The following HHLA2 variants were observed in gnomAD, a reference collection of about 807,000 sequenced individuals.
HHLA2 encodes the protein HERV-H LTR-associating protein 2.
In HHLA2, 48 loss-of-function variants were observed where a neutral mutation model predicts 45.9. The ratio of observed to expected loss-of-function variants is 1.05; its 90% CI spans 0.83 to 1.33. The LOEUF is 1.33. Ranked by LOEUF, HHLA2 falls within the 40% of genes most tolerant of loss-of-function variation. The pLI, the probability that HHLA2 is intolerant of heterozygous loss-of-function variation, is 0.00. For missense variants in HHLA2, 462 were observed against 494.3 expected (o/e 0.93, Z 0.62); for synonymous variants, 161 against 173.9 (o/e 0.93, Z 0.59).
intron 8 of HHLA2, among the ~76,000 whole-genome samples, chr3:108,374,618 C>T (rs1458949425): frequency 6.6e-6 from 1 of 151,596 alleles, no homozygotes; most frequent in Non-Finnish European, 1.5e-5. Context: ...ACAATGAACT[C>T]AAACAAATTT....
At chr3:108,345,494 C>T (rs6805570) in intron 3 of HHLA2, among the ~76,000 whole-genome samples, 102,920 of 152,110 alleles carry the variant, frequency 0.68, 35,707 homozygotes, top group African/African-American at 0.77. Flanking sequence ...ACCCAATTTA[C>T]GAGCCTCCCT....
intron 8 of HHLA2, among the ~76,000 whole-genome samples, chr3:108,373,227 C>A (rs976006137): frequency 6.6e-6 from 1 of 152,086 alleles, no homozygotes; most frequent in Non-Finnish European, 1.5e-5. Flanking sequence ...AAGACAAAAA[C>A]GACATGATTA....
chr3:108,312,963 C>G (rs1416526110), intron 2 of HHLA2, among the ~76,000 whole-genome samples: 5 of 152,116 alleles, frequency 3.3e-5, no homozygotes, highest in Non-Finnish European at 1.5e-5. Flanking sequence ...GCTGAACATT[C>G]TTGAGGAACG....
At chr3:108,351,816 G>A in exon 4 of HHLA2, 8 of 1,612,582 alleles carry the variant, frequency 5.0e-6, no homozygotes, top group Non-Finnish European at 6.8e-6. Flanking sequence ...CACAAGACAT[G>A]AAGGCACAGA....
At chr3:108,343,930 C>T (rs1354896323) in intron 3 of HHLA2, among the ~76,000 whole-genome samples, 1 of 152,186 alleles carries the variant, frequency 6.6e-6, no homozygotes, top group Non-Finnish European at 1.5e-5. Context: ...TGTTGATCCT[C>T]CTCAATGTTA....
chr3:108,338,492 G>A (rs1446258486), intron 3 of HHLA2, among the ~76,000 whole-genome samples: 2 of 152,238 alleles, frequency 1.3e-5, no homozygotes, highest in East Asian at 3.9e-4. Context: ...CTATGCACTT[G>A]ACTGTTTACC....
chr3:108,358,121 G>T lies in HHLA2; in HGVS notation c.963G>T (p.Ser321=), dbSNP rs769068694. Residue 321 remains serine (S), a synonymous_variant, in exon 7 of 11, where the codon TCG becomes TCT. Coordinates refer to ENST00000619531, the Ensembl canonical transcript of HHLA2. The stretch of plus-strand genomic sequence containing the variant: ...GGGAATATTTATGCAATATTTCTTC[G>T]GATGAATATACTTTACTTACCATCC... The T allele has an allele frequency of 3.7e-6, 6 of 1,612,770 alleles. No homozygotes were observed. The East Asian group carries it at 1.1e-4, about 30-fold the overall frequency.
intron 2 of HHLA2, among the ~76,000 whole-genome samples, chr3:108,324,044 G>C (rs1172129442): frequency 6.6e-6 from 1 of 152,140 alleles, no homozygotes; most frequent in Non-Finnish European, 1.5e-5. Flanking sequence ...TCCTTTGTTA[G>C]AAAACAATGA....
intron 1 of HHLA2, among the ~76,000 whole-genome samples, chr3:108,306,813 T>TA (rs1183806684): frequency 2.2e-4 from 33 of 152,150 alleles, no homozygotes; most frequent in African/African-American, 7.9e-4. Context: ...TATATATATA[T>TA]TTTTCTATTT....
chr3:108,339,996 A>G (rs2081537800), intron 3 of HHLA2, among the ~76,000 whole-genome samples: 1 of 152,206 alleles, frequency 6.6e-6, no homozygotes, highest in African/African-American at 2.4e-5. Flanking sequence ...GTGGCCCCAA[A>G]TAAGACTTGG....
intron 1 of HHLA2, among the ~76,000 whole-genome samples, chr3:108,297,092 C>T (rs1314341962): frequency 2.0e-5 from 3 of 152,182 alleles, no homozygotes; most frequent in African/African-American, 7.2e-5. Flanking sequence ...ATACAAGAAA[C>T]TTAGAAGTCT....
chr3:108,377,134 C>T (rs1277930316), intron 10 of HHLA2, 124 bp from the exon 10 acceptor site: 6 of 644,330 alleles, frequency 9.3e-6, no homozygotes, highest in Non-Finnish European at 1.7e-5. Context: ...ATTTCAGATG[C>T]AAGCAATAGA....
intron 2 of HHLA2, among the ~76,000 whole-genome samples, chr3:108,327,022 T>G (rs2107364951): frequency 6.6e-6 from 1 of 152,304 alleles, no homozygotes; most frequent in East Asian, 1.9e-4. Context: ...CAAATTATGT[T>G]TTCTGTGTCT....
At chr3:108,377,791 G>A (rs60503747) in exon 11 of HHLA2, 12,056 of 152,866 alleles carry the variant, frequency 0.079, 650 homozygotes, top group African/African-American at 0.16. Flanking sequence ...TAACCAACTC[G>A]ATTTGGGATG....
chr3:108,363,238 A>G (rs2082008984), intron 8 of HHLA2, among the ~76,000 whole-genome samples: 1 of 152,168 alleles, frequency 6.6e-6, no homozygotes, highest in Non-Finnish European at 1.5e-5. Flanking sequence ...TCCACATTTT[A>G]CAGATCAGGA....
intron 3 of HHLA2, among the ~76,000 whole-genome samples, chr3:108,349,098 C>G (rs2081726349): frequency 6.6e-6 from 1 of 151,530 alleles, no homozygotes; most frequent in Non-Finnish European, 1.5e-5. Context: ...CAACAGCAAA[C>G]AAATTCAAAA....
intron 6 of HHLA2, among the ~76,000 whole-genome samples, chr3:108,356,223 G>T (rs1409092976): frequency 6.6e-6 from 1 of 151,652 alleles, no homozygotes; most frequent in African/African-American, 2.4e-5. Flanking sequence ...GTAGAGACAG[G>T]GTTTCACCAT....
chr3:108,342,454 AG>A (rs774840456), intron 3 of HHLA2, among the ~76,000 whole-genome samples: 1 of 151,684 alleles, frequency 6.6e-6, no homozygotes, highest in South Asian at 2.1e-4. Context: ...TAGTAGAGAC[AG>A]GGTTTCGCCA....
intron 8 of HHLA2, among the ~76,000 whole-genome samples, chr3:108,367,636 G>C (rs1045956051): frequency 6.6e-6 from 1 of 151,884 alleles, no homozygotes; most frequent in African/African-American, 2.4e-5. Context: ...CTGAAATAAG[G>C]TGTGAAGACA....
Sources: allele counts gnomAD v4.1 joint callset (sites outside exome capture counted in the v4.1 genomes callset), GRCh38; gene constraint gnomAD v4.1.1; transcripts MANE v1.5; gene names NCBI Gene and HGNC (gene_info 2026-07-23, HGNC 2026-07-21).